NFU1: variants seen among roughly 807,000 people sequenced by gnomAD.
The protein encoded by NFU1 is NFU1 iron-sulfur cluster scaffold homolog, mitochondrial.
Under a neutral mutation model 32.2 loss-of-function variants are expected in NFU1, and 30 were observed. That is an observed-to-expected ratio of 0.93 (90% confidence interval 0.70 to 1.26). NFU1 has a LOEUF of 1.26. Among genes scored for constraint, NFU1 ranks in the 50% most tolerant of loss-of-function variants. The pLI, the probability that NFU1 is intolerant of heterozygous loss-of-function variation, is 0.00. For missense variants in NFU1, 306 were observed against 306.6 expected, an observed-to-expected ratio of 1.00 and a Z score of 0.02; for synonymous variants, 112 against 104.6, an observed-to-expected ratio of 1.07 and a Z score of -0.43.
At position 69,423,857 on chromosome 2, in the gene NFU1, C is replaced by A. The variant is rs112529097; in HGVS notation, c.167-140G>T. 3.0e-4 allele frequency: 204 copies of A among 682,086 alleles called. 4 individuals are homozygous for A. In the African/African-American group the frequency reaches 3.2e-3, roughly 11 times the overall value. 42.3% of individuals were successfully genotyped at this position (682,086 alleles called of 1,614,324 possible). A position where few individuals can be genotyped will look rare whatever the true frequency, so the allele number is the denominator to read the frequency against. ...CCAAGGCTTTATTGCCCTGACAAAG[C>A]ATTTATAAGGATAAGAAAGAAATAT... On this transcript the variant is annotated intron_variant, in intron 2 of 7. Coordinates refer to ENST00000410022, the MANE Select transcript of NFU1 (RefSeq NM_001002755.4).
chr2:69,423,243 A>AGTGTGTGTGT (rs772105664), intron 3 of NFU1, among the ~76,000 whole-genome samples: 6 of 87,992 alleles, frequency 6.8e-5, no homozygotes, highest in Admixed American at 1.5e-4. Context: ...TCTCTGTGTG[A>AGTGTGTGTGT]GTGTGTGTGT....
Position 69,423,313 on chromosome 2 carries a change from T to A in NFU1, c.302+269A>T, listed in dbSNP as rs67662551. 0.13 allele frequency among the ~76,000 whole-genome samples: 19,564 copies of A among 146,622 alleles called. 1,417 individuals carry two copies. The highest frequency in any genetic ancestry group is 0.17 in the Non-Finnish European group (11,161 of 66,754). ...GTATGTGTGTGTGGTAGAGATGGAG[T>A]CTCTCTATGTTGCCCAGGCTGGTCT... is the stretch of plus-strand genomic sequence containing the variant. On this transcript the variant is annotated intron_variant, in intron 3 of 7. Transcript: ENST00000410022.
At chr2:69,427,080 G>GA (rs779165378) in intron 2 of NFU1, among the ~76,000 whole-genome samples, 4 of 135,684 alleles carry the variant, frequency 2.9e-5, no homozygotes, top group African/African-American at 1.2e-4. Context: ...AAGAAAGAAA[G>GA]AAAGAAAAGA....
chr2:69,412,253 G>C (rs1453815983), intron 5 of NFU1, among the ~76,000 whole-genome samples: 2 of 151,764 alleles, frequency 1.3e-5, no homozygotes, highest in Non-Finnish European at 2.9e-5. Context: ...GTTTTACCAT[G>C]TTGGCTAGGA....
At chr2:69,424,656 T>C (rs1002684178) in intron 2 of NFU1, among the ~76,000 whole-genome samples, 4 of 152,132 alleles carry the variant, frequency 2.6e-5, no homozygotes, top group African/African-American at 7.2e-5. Context: ...TTAAGTCTTA[T>C]ACATATTCAT....
At chr2:69,421,892 T>TC (rs781510912) in intron 3 of NFU1, among the ~76,000 whole-genome samples, 3 of 152,066 alleles carry the variant, frequency 2.0e-5, no homozygotes, top group Non-Finnish European at 4.4e-5. Flanking sequence ...CATACAGTAG[T>TC]CCCCCCTTAT....
intron 5 of NFU1, chr2:69,410,806 G>T (rs1389450399): frequency 6.6e-6 from 1 of 152,146 alleles, no homozygotes; most frequent in Non-Finnish European, 1.5e-5. Context: ...CAATGTTGAA[G>T]AAATGTTAAT....
At chr2:69,433,978 A>G (rs566635129) in intron 1 of NFU1, among the ~76,000 whole-genome samples, 44 of 143,854 alleles carry the variant, frequency 3.1e-4, no homozygotes, top group Non-Finnish European at 5.0e-4. Flanking sequence ...GAGATGGATT[A>G]CCACTATGTT....
At chr2:69,412,361 T>A (rs529768859) in intron 5 of NFU1, among the ~76,000 whole-genome samples, 7 of 150,662 alleles carry the variant, frequency 4.6e-5, no homozygotes, top group South Asian at 2.1e-4. Flanking sequence ...TACAAAAAAA[T>A]TTTATTTATT....
At chr2:69,396,607 C>A (rs569848375) in intron 7 of NFU1, among the ~76,000 whole-genome samples, 39 of 151,456 alleles carry the variant, frequency 2.6e-4, no homozygotes, top group Non-Finnish European at 4.7e-4. Context: ...GAGCCGAGAT[C>A]GCGCCACTGC....
At chr2:69,411,719 A>G (rs994326097) in intron 5 of NFU1, among the ~76,000 whole-genome samples, 1 of 152,048 alleles carries the variant, frequency 6.6e-6, no homozygotes, top group African/African-American at 2.4e-5. Flanking sequence ...CAGCTTGTCA[A>G]GTAGGTGGGA....
chr2:69,437,698 C>T (rs1673906510), upstream of NFU1: 1 of 569,522 alleles, frequency 1.8e-6, no homozygotes, highest in South Asian at 2.0e-5. Context: ...TTTGTTTTCC[C>T]TGTTGGCTAG....
intron 4 of NFU1, among the ~76,000 whole-genome samples, chr2:69,419,129 C>T (rs1673155134): frequency 6.6e-6 from 1 of 151,882 alleles, no homozygotes; most frequent in Admixed American, 6.6e-5. Flanking sequence ...GCCTGGCCAA[C>T]ATGGCGAAAC....
At chr2:69,413,796 C>T (rs1672968328) in intron 5 of NFU1, among the ~76,000 whole-genome samples, 1 of 148,828 alleles carries the variant, frequency 6.7e-6, no homozygotes, top group South Asian at 2.1e-4. Flanking sequence ...TGCCTGTAAT[C>T]CCAGCACTTT....
At chr2:69,398,837 A>G (rs1351978996) in intron 7 of NFU1, among the ~76,000 whole-genome samples, 1 of 152,152 alleles carries the variant, frequency 6.6e-6, no homozygotes, top group Non-Finnish European at 1.5e-5. Flanking sequence ...AGGTCTATAT[A>G]GACCTGCTCA....
At position 69,412,879 on chromosome 2, in the gene NFU1, CAT is replaced by C. The variant is rs201176971; in HGVS notation, c.484+2304_484+2305del. On this transcript the variant is annotated intron_variant, in intron 5 of 7. Transcript: ENST00000410022. ...TCTCAAAAAAAAAAAAAAAAAGACACATGACTCAATTTGTTTTTAAGTAGAAA... is the reference window on the plus strand; with the variant it reads ...TCTCAAAAAAAAAAAAAAAAAGACACGACTCAATTTGTTTTTAAGTAGAAA... Among the ~76,000 whole-genome samples, 405 of 141,992 alleles carry C rather than the reference CAT, an allele frequency of 2.9e-3. 2 individuals carry two copies. The highest frequency in any genetic ancestry group is 0.01 in the African/African-American group (388 of 37,930). 93.2% of individuals were successfully genotyped at this position (141,992 alleles called of 152,430 possible).
At chr2:69,438,453 A>C (rs1312727130), upstream of NFU1, among the ~76,000 whole-genome samples, 1 of 151,976 alleles carries the variant, frequency 6.6e-6, no homozygotes. Flanking sequence ...ATTTTTGTAG[A>C]GAAGAGGTCT....
intron 3 of NFU1, among the ~76,000 whole-genome samples, chr2:69,420,186 G>A (rs1283975830): frequency 6.6e-6 from 1 of 152,002 alleles, no homozygotes; most frequent in East Asian, 1.9e-4. Flanking sequence ...TTGTATTTTA[G>A]TAGAGATGGG....
chr2:69,400,264 C>A (rs1426802952), intron 7 of NFU1, 100 bp downstream of exon 7: 16 of 1,127,892 alleles, frequency 1.4e-5, no homozygotes, highest in Non-Finnish European at 2.1e-5. Context: ...TCATGAACTT[C>A]TTTTCAAATA....
Sources: allele counts gnomAD v4.1 joint callset (sites outside exome capture counted in the v4.1 genomes callset), GRCh38; gene constraint gnomAD v4.1.1; transcripts MANE v1.5; gene names NCBI Gene and HGNC (gene_info 2026-07-23, HGNC 2026-07-21).